The following CLCN5 variants were observed in gnomAD, a reference collection of about 807,000 sequenced individuals.
CLCN5 encodes the protein Cl-/H+ antiporter 5.
CLCN5 carries 17 observed loss-of-function variants against 54.0 expected under a neutral mutation model. That is an observed-to-expected ratio of 0.31 (90% confidence interval 0.22 to 0.47). The LOEUF is 0.47. Ranked by LOEUF, CLCN5 falls within the 20% of genes least tolerant of loss-of-function variation. CLCN5 has a pLI of 1.00. For missense variants in CLCN5, 448 were observed against 646.7 expected (o/e 0.69, Z 3.33); for synonymous variants, 222 against 233.0 (o/e 0.95, Z 0.43).
rs1557167810 is a variant in CLCN5, at chrX:49,925,222, A to G, written c.-77A>G. 1 of 1,089,140 alleles carries G rather than the reference A, an allele frequency of 9.2e-7. No homozygotes were observed. Among genetic ancestry groups the G allele is most frequent in the African/African-American group, 1.8e-5 (1 of 55,350 alleles). The allele number at this position is 1,089,140 out of a possible 1,213,427, so 89.8% of individuals were successfully genotyped here. ...AACAGGGCCACATAGCTGCCTTTCTATCAAGTCTCCCTACAAAACTGAGAG... is the reference window on the plus strand; with the variant it reads ...AACAGGGCCACATAGCTGCCTTTCTGTCAAGTCTCCCTACAAAACTGAGAG... On this transcript the variant is annotated 5_prime_UTR_variant, in exon 3 of 15. Coordinates refer to ENST00000376091, the MANE Select transcript of CLCN5 (RefSeq NM_001127898.4).
intron 3 of CLCN5, among the ~76,000 whole-genome samples, chrX:50,032,222 T>G (rs1243369705): frequency 8.9e-6 from 1 of 111,980 alleles, no homozygotes; most frequent in Non-Finnish European, 1.9e-5. Context: ...TATAGTCCTT[T>G]GGGTATATAC....
rs1029626741 is a variant in CLCN5 at position 50,080,625 on chromosome X, T to C, written c.635T>C (p.Met212Thr). Reference protein sequence around the residue: ...GAFAYIVNYFMYVLWALLFAF... With the variant: ...GAFAYIVNYFTYVLWALLFAF... ...TTTGCCTACATAGTCAATTATTTCA[T>C]GTACGTCCTCTGGGCTCTCCTATTT... is the stretch of plus-strand genomic sequence containing the variant. The change falls in exon 8 of 15, where the codon ATG (methionine) becomes ACG (threonine). Residue 212 changes from methionine to threonine, a missense_variant. Physicochemically the swap from Met to Thr is moderately conservative, Grantham distance 81. Around this residue, in one of 5 missense-constraint regions of CLCN5, gnomAD observed 40 missense variants for 27.8 expected, o/e 1.44. Coordinates refer to ENST00000376091, the MANE Select transcript of CLCN5 (RefSeq NM_001127898.4). 2 of 1,208,562 alleles carry C rather than the reference T, an allele frequency of 1.7e-6. No homozygotes were observed. The highest frequency in any genetic ancestry group is 1.8e-5 in the South Asian group (1 of 56,870).
intron 3 of CLCN5, among the ~76,000 whole-genome samples, chrX:49,956,732 A>C (rs1443101570): frequency 1.8e-5 from 2 of 112,003 alleles, no homozygotes; most frequent in African/African-American, 6.5e-5. Flanking sequence ...TTATATTTTA[A>C]CCTACATTAT....
At chrX:50,089,670 G>A (rs1287168966) in intron 12 of CLCN5, among the ~76,000 whole-genome samples, 2 of 111,674 alleles carry the variant, frequency 1.8e-5, no homozygotes, top group African/African-American at 6.5e-5. Flanking sequence ...AGGATCACTT[G>A]AGGTTAGGAG....
At chrX:50,057,916 G>C (rs1456105207) in intron 4 of CLCN5, among the ~76,000 whole-genome samples, 1 of 110,910 alleles carries the variant, frequency 9.0e-6, no homozygotes, top group Non-Finnish European at 1.9e-5. Context: ...GGCAGATCTA[G>C]AATGGATGAA....
chrX:50,090,083 C>T lies in CLCN5; in HGVS notation c.1745-33C>T, dbSNP rs1289541071. ...TAATTGTAAGAATCCTGTATTTTGC[C>T]TACCTGAGTAGACTGTGTCTATTTC... is the stretch of plus-strand genomic sequence containing the variant. On this transcript the variant is annotated intron_variant, in intron 12 of 14. Coordinates refer to ENST00000376091, the MANE Select transcript of CLCN5 (RefSeq NM_001127898.4). 3 of 1,200,942 alleles carry T rather than the reference C, an allele frequency of 2.5e-6. No individual in the cohort carries two copies. The African/African-American group carries it at 5.3e-5, about 21-fold the overall frequency.
At chrX:49,942,488 T>C (rs1319048322) in intron 3 of CLCN5, among the ~76,000 whole-genome samples, 1 of 109,016 alleles carries the variant, frequency 9.2e-6, no homozygotes, top group East Asian at 2.9e-4. Context: ...TGTGCCATGT[T>C]GGTGTGCTGC....
Position 50,097,811 on chromosome X carries a change from G to A in CLCN5, c.*5592G>A, listed in dbSNP as rs1014399792. 2 of 112,085 alleles carry A rather than the reference G, an allele frequency of 1.8e-5. No individual in the cohort carries two copies. Among genetic ancestry groups the A allele is most frequent in the Non-Finnish European group, 3.8e-5 (2 of 53,210 alleles). The allele number at this position is 112,085 out of a possible 1,213,427, so 9.2% of individuals were successfully genotyped here. A position where few individuals can be genotyped will look rare whatever the true frequency, so the allele number is the denominator to read the frequency against. ...AGGGCCAAAGCCATTGATACTTGTC[G>A]GGGGTGATGAGGGCTTTAGCATCTC... On this transcript the variant is annotated 3_prime_UTR_variant, in exon 15 of 15. Coordinates refer to ENST00000376091, the MANE Select transcript of CLCN5 (RefSeq NM_001127898.4).
At chrX:49,950,003 A>G in intron 3 of CLCN5, among the ~76,000 whole-genome samples, 1 of 112,270 alleles carries the variant, frequency 8.9e-6, no homozygotes. Flanking sequence ...AAATAACCCA[A>G]AATAATGCTG....
chrX:49,984,376 T>C (rs782295814), intron 3 of CLCN5, among the ~76,000 whole-genome samples: 2 of 111,762 alleles, frequency 1.8e-5, no homozygotes, highest in Non-Finnish European at 3.8e-5. Context: ...ATTTTCCTTG[T>C]GAGATTTTAG....
chrX:50,076,271 C>G (rs984498122), intron 7 of CLCN5, among the ~76,000 whole-genome samples: 1 of 111,880 alleles, frequency 8.9e-6, no homozygotes, highest in Middle Eastern at 4.6e-3. Context: ...TTCTCTTTTT[C>G]TAATCATTTC....
chrX:50,000,467 C>T (rs1325295078), intron 3 of CLCN5, among the ~76,000 whole-genome samples: 1 of 111,349 alleles, frequency 9.0e-6, no homozygotes, highest in Non-Finnish European at 1.9e-5. Flanking sequence ...GAGCTTGAGC[C>T]TCCTTATTCT....
At chrX:50,041,708 G>A (rs781880010) in intron 3 of CLCN5, among the ~76,000 whole-genome samples, 5 of 111,734 alleles carry the variant, frequency 4.5e-5, no homozygotes, top group African/African-American at 1.6e-4. Context: ...TCATTTGAAT[G>A]GTTCTCAAAT....
intron 3 of CLCN5, among the ~76,000 whole-genome samples, chrX:49,978,927 T>C (rs1038901500): frequency 9.0e-6 from 1 of 110,587 alleles, no homozygotes; most frequent in African/African-American, 3.3e-5. Context: ...ATTAAAGGGG[T>C]GTTGTGGTCT....
intron 3 of CLCN5, among the ~76,000 whole-genome samples, chrX:50,004,892 A>C (rs1446917921): frequency 2.7e-5 from 3 of 111,611 alleles, no homozygotes; most frequent in Non-Finnish European, 5.6e-5. Flanking sequence ...CCTGGGTGAC[A>C]AGAGCGAGGC....
intron 2 of CLCN5, among the ~76,000 whole-genome samples, chrX:49,924,795 A>G (rs1301468831): frequency 9.0e-6 from 1 of 111,626 alleles, no homozygotes; most frequent in Non-Finnish European, 1.9e-5. Context: ...CTGATTTTTA[A>G]ATGTAAAGTT....
intron 3 of CLCN5, among the ~76,000 whole-genome samples, chrX:49,969,159 C>A (rs1928067658): frequency 9.1e-6 from 1 of 110,318 alleles, no homozygotes; most frequent in Non-Finnish European, 1.9e-5. Flanking sequence ...CTCACTGCAA[C>A]CTCCGCCTCC....
chrX:49,941,873 A>G (rs782488848), intron 3 of CLCN5, among the ~76,000 whole-genome samples: 20 of 104,285 alleles, frequency 1.9e-4, no homozygotes, highest in Non-Finnish European at 3.9e-4. Flanking sequence ...TTCTCAATCA[A>G]TATCTTTTTT....
chrX:50,080,775 C>A (rs1933661435), intron 8 of CLCN5, 59 bp downstream of exon 8: 6 of 967,501 alleles, frequency 6.2e-6, no homozygotes, highest in Non-Finnish European at 8.8e-6. Flanking sequence ...TGGTTAAAAT[C>A]TCTTAATATG....
Sources: gnomAD v4.1 joint callset for allele counts (sites outside exome capture counted in the v4.1 genomes callset) on GRCh38, gnomAD v4.1.1 for gene constraint, gnomAD v4.1.1 regional missense constraint, MANE v1.5 for transcripts, NCBI Gene and HGNC (gene_info 2026-07-23, HGNC 2026-07-21) for gene names.